The following UCHL5 variants were observed in gnomAD, a reference collection of about 807,000 sequenced individuals.
The protein encoded by UCHL5 is ubiquitin carboxyl-terminal hydrolase isozyme L5.
In UCHL5, 34 loss-of-function variants were observed where a neutral mutation model predicts 53.8. The ratio of observed to expected loss-of-function variants is 0.63; its 90% confidence interval spans 0.48 to 0.84. The LOEUF (loss-of-function observed/expected upper bound fraction) is 0.84. Ranked by LOEUF, UCHL5 falls within the 40% of genes least tolerant of loss-of-function variation. The pLI, the probability that UCHL5 is intolerant of heterozygous loss-of-function variation, is 0.00. For missense variants in UCHL5, 290 were observed against 385.6 expected, an observed-to-expected ratio of 0.75 and a Z score of 2.08; for synonymous variants, 111 against 126.3, an observed-to-expected ratio of 0.88 and a Z score of 0.81.
At chr1:193,025,842 A>G (rs897433560) in intron 7 of UCHL5, among the ~76,000 whole-genome samples, 3 of 152,212 alleles carry the variant, frequency 2.0e-5, no homozygotes, top group Non-Finnish European at 4.4e-5. Flanking sequence ...ATAGTAGTTA[A>G]AACAATTTTG....
intron 3 of UCHL5, among the ~76,000 whole-genome samples, chr1:193,029,891 C>G (rs1057296289): frequency 6.6e-6 from 1 of 152,212 alleles, no homozygotes; most frequent in East Asian, 1.9e-4. Context: ...CATAATATTA[C>G]CAAAAACCAA....
At chr1:193,023,531 T>C (rs1657948586) in intron 8 of UCHL5, among the ~76,000 whole-genome samples, 1 of 152,330 alleles carries the variant, frequency 6.6e-6, no homozygotes, top group East Asian at 1.9e-4. Flanking sequence ...CTAACACTTA[T>C]TTAGCATTTA....
At position 193,058,953 on chromosome 1, in the gene UCHL5, C is replaced by T. The variant is rs544712816; in HGVS notation, c.76+232G>A. On this transcript the variant is annotated intron_variant, in intron 1 of 10. Coordinates refer to ENST00000367454, the MANE Select transcript of UCHL5 (RefSeq NM_001199261.3). ...CCAGGTCCTGAGGATGCAGCAGGCACAAGACTGACACGATCCTTGCCCTCG... is the reference window on the plus strand; with the variant it reads ...CCAGGTCCTGAGGATGCAGCAGGCATAAGACTGACACGATCCTTGCCCTCG... Among the ~76,000 whole-genome samples, 10 of 152,340 alleles carry T rather than the reference C, an allele frequency of 6.6e-5. No homozygotes were observed. In the South Asian group the frequency reaches 2.1e-3, roughly 32 times the overall value.
At chr1:193,028,938 A>G (rs906063920) in intron 6 of UCHL5, among the ~76,000 whole-genome samples, 1 of 152,278 alleles carries the variant, frequency 6.6e-6, no homozygotes, top group East Asian at 1.9e-4. Context: ...AAATTATGTA[A>G]CCTATAGGTT....
In UCHL5 at chr1:193,020,275, A is replaced by G; in HGVS notation, c.942+822T>C. On this transcript the variant is annotated intron_variant, in intron 10 of 10. Coordinates refer to ENST00000367454, the MANE Select transcript of UCHL5 (RefSeq NM_001199261.3). ...GGTTGAAATCAATCTTTGCTTTGTA[A>G]ACTTTAAAATTAATAAGGAAAATAT... is the stretch of plus-strand genomic sequence containing the variant. The G allele has an allele frequency of 2.6e-6, 4 of 1,528,410 alleles. No individual in the cohort carries two copies. In the East Asian group the frequency reaches 7.4e-5, roughly 28 times the overall value. 94.7% of individuals were successfully genotyped at this position (1,528,410 alleles called of 1,614,324 possible). A position where few individuals can be genotyped will look rare whatever the true frequency, so the allele number is the denominator to read the frequency against.
rs750161801 is a variant in UCHL5, at chr1:193,013,862, C to T, written c.*2489G>A. On this transcript the variant is annotated 3_prime_UTR_variant, in exon 11 of 11. Transcript: ENST00000367454. ...CAAATATTTGTCTGTTTTAGTGGCA[C>T]AGTCGAGCTGACTGCTGTTCGGAAA... 5.3e-5 allele frequency: 8 copies of T among 152,142 alleles called. No individual in the cohort carries two copies. The highest frequency in any genetic ancestry group is 1.2e-4 in the African/African-American group (5 of 41,426). 9.4% of individuals were successfully genotyped at this position (152,142 alleles called of 1,614,324 possible).
At chr1:193,059,756 G>C, upstream of UCHL5, 1 of 1,355,982 alleles carries the variant, frequency 7.4e-7, no homozygotes, top group South Asian at 1.2e-5. The surrounding 1 kb of genome is among the most constrained non-coding windows in gnomAD (Gnocchi z 4.9). Context: ...GCGGATCCAG[G>C]GGGTCGGCTG....
At chr1:193,059,678 T>C (rs752580164), upstream of UCHL5, 2 of 1,366,556 alleles carry the variant, frequency 1.5e-6, no homozygotes, top group East Asian at 9.0e-5. The surrounding 1 kb of genome is among the most constrained non-coding windows in gnomAD (Gnocchi z 4.9). Context: ...GCTGTGGCTG[T>C]CGCTGCCCGT....
intron 3 of UCHL5, among the ~76,000 whole-genome samples, chr1:193,030,001 T>G (rs1391783619): frequency 6.6e-6 from 1 of 152,168 alleles, no homozygotes; most frequent in Admixed American, 6.5e-5. Flanking sequence ...CCTAGACTCA[T>G]TTCTACCTAT....
chr1:193,022,574 G>A (rs1228382730), intron 9 of UCHL5, among the ~76,000 whole-genome samples: 1 of 150,814 alleles, frequency 6.6e-6, no homozygotes, highest in African/African-American at 2.4e-5. Context: ...GCTGAGGCAG[G>A]AGAATTGCTT....
intron 7 of UCHL5, among the ~76,000 whole-genome samples, chr1:193,027,407 G>A (rs1400309285): frequency 1.3e-5 from 2 of 152,096 alleles, no homozygotes; most frequent in African/African-American, 4.8e-5. Flanking sequence ...ATACCTAGCC[G>A]GGTGCAGTGG....
upstream of UCHL5, chr1:193,059,721 GC>G (rs763452972): frequency 7.4e-7 from 1 of 1,353,402 alleles, no homozygotes; most frequent in South Asian, 1.2e-5. The surrounding 1 kb of genome is among the most constrained non-coding windows in gnomAD (Gnocchi z 4.9). Context: ...TCCCAGCGCT[GC>G]GCAGGACTTC....
chr1:193,030,402 G>C (rs1034627141), intron 3 of UCHL5, among the ~76,000 whole-genome samples: 2 of 152,204 alleles, frequency 1.3e-5, no homozygotes, highest in African/African-American at 4.8e-5. Context: ...AAGTGCCCAA[G>C]GGCACACAGC....
intron 7 of UCHL5, among the ~76,000 whole-genome samples, chr1:193,027,599 C>T (rs1022753922): frequency 1.3e-5 from 2 of 152,036 alleles, no homozygotes; most frequent in East Asian, 1.9e-4. Context: ...ACACGAGAAT[C>T]GCTTGAACTC....
intron 3 of UCHL5, among the ~76,000 whole-genome samples, chr1:193,043,160 A>T (rs1422215644): frequency 4.9e-5 from 7 of 143,236 alleles, no homozygotes; most frequent in East Asian, 1.9e-4. Context: ...TTAAAAAAAA[A>T]AAAAAAAAAA....
chr1:193,028,005 C>A, intron 7 of UCHL5, 80 bp downstream of exon 7: 1 of 1,573,764 alleles, frequency 6.4e-7, no homozygotes, highest in Non-Finnish European at 8.6e-7. Flanking sequence ...ATGCACACTG[C>A]TAAAATAACA....
chr1:193,018,520 GTGTGT>G (rs1655664909), intron 10 of UCHL5: 3 of 1,113,408 alleles, frequency 2.7e-6, no homozygotes. Flanking sequence ...TTTAAATGTG[GTGTGT>G]ATTCAACGAA....
At chr1:193,021,724 G>C (rs189190207) in intron 9 of UCHL5, among the ~76,000 whole-genome samples, 26 of 152,160 alleles carry the variant, frequency 1.7e-4, no homozygotes, top group Non-Finnish European at 2.9e-4. Flanking sequence ...TATTCTGCCT[G>C]GTAGAAGTAT....
chr1:193,016,145 A>G lies in UCHL5; in HGVS notation c.*206T>C, dbSNP rs1468896836. ...AATGGAATTTGGGAAAGCATTCTTAATATCACTTTCATTTAATATGCACTA... is the reference window on the plus strand; with the variant it reads ...AATGGAATTTGGGAAAGCATTCTTAGTATCACTTTCATTTAATATGCACTA... On this transcript the variant is annotated 3_prime_UTR_variant, in exon 11 of 11. Coordinates refer to ENST00000367454, the MANE Select transcript of UCHL5 (RefSeq NM_001199261.3). 1.0e-5 allele frequency: 5 copies of G among 495,418 alleles called. No homozygotes were observed. The highest frequency in any genetic ancestry group is 6.6e-5 in the East Asian group (2 of 30,200). The allele number at this position is 495,418 out of a possible 1,614,324, so 30.7% of individuals were successfully genotyped here. A position where few individuals can be genotyped will look rare whatever the true frequency, so the allele number is the denominator to read the frequency against.
Sources: allele counts gnomAD v4.1 joint callset (sites outside exome capture counted in the v4.1 genomes callset), GRCh38; gene constraint gnomAD v4.1.1; non-coding constraint Gnocchi (gnomAD v3.1); transcripts MANE v1.5; gene names NCBI Gene and HGNC (gene_info 2026-07-23, HGNC 2026-07-21).